The following TMPRSS13 variants were observed in gnomAD, a reference collection of about 807,000 sequenced individuals.
TMPRSS13 encodes transmembrane serine protease 13.
A neutral mutation model predicts 68.4 loss-of-function variants in TMPRSS13; 50 were observed. That is an observed-to-expected ratio of 0.73 (90% confidence interval 0.58 to 0.93). The LOEUF is 0.93. TMPRSS13 is among the 40% of genes least tolerant of loss of function. The pLI, the probability that TMPRSS13 is intolerant of heterozygous loss-of-function variation, is 0.00. For synonymous variants in TMPRSS13, 267 were observed against 285.8 expected (o/e 0.93, Z 0.66); for missense variants, 615 against 729.2 (o/e 0.84, Z 1.80).
At chr11:117,923,101 G>A (rs1591631353) in intron 1 of TMPRSS13, among the ~76,000 whole-genome samples, 2 of 152,334 alleles carry the variant, frequency 1.3e-5, no homozygotes, top group South Asian at 4.1e-4. Flanking sequence ...TCCCTGGACA[G>A]AAGTCTATAA....
intron 1 of TMPRSS13, among the ~76,000 whole-genome samples, chr11:117,929,029 C>T (rs755084999): frequency 2.0e-5 from 3 of 152,208 alleles, no homozygotes; most frequent in African/African-American, 4.8e-5. Flanking sequence ...AGGAAACCCA[C>T]GACTCAGCCA....
At chr11:117,929,223 C>T in intron 1 of TMPRSS13, 64 bp downstream of exon 1, 2 of 1,471,758 alleles carry the variant, frequency 1.4e-6, no homozygotes, top group South Asian at 1.3e-5. Context: ...CACCTGTCTC[C>T]CAGCCTCAGC....
intron 11 of TMPRSS13, 50 bp downstream of exon 11, chr11:117,903,909 C>A (rs781307298): frequency 1.2e-6 from 2 of 1,600,422 alleles, no homozygotes; most frequent in East Asian, 2.3e-5. Flanking sequence ...CCCCTGCCTC[C>A]CCCATCCCCA....
chr11:117,908,944 C>T (rs1224314512), intron 8 of TMPRSS13, among the ~76,000 whole-genome samples, 160 bp from the exon 9 acceptor site: 4 of 152,130 alleles, frequency 2.6e-5, no homozygotes, highest in African/African-American at 9.7e-5. Flanking sequence ...CCCTGGAGTC[C>T]AAAGCAATCC....
chr11:117,918,361 A>G (rs1253465368), intron 2 of TMPRSS13, 48 bp downstream of exon 2: 10 of 1,591,446 alleles, frequency 6.3e-6, no homozygotes, highest in East Asian at 4.5e-5. Context: ...CTCCCTGCCC[A>G]TGGGCTGCTT....
At position 117,908,672 on chromosome 11, in the gene TMPRSS13, C is replaced by T. The variant is rs760074587; in HGVS notation, c.1222G>A (p.Asp408Asn). The stretch of plus-strand genomic sequence containing the variant: ...GCGATGTCATAGTCGTCCTCCTCAT[C>T]GGTGTAATTGCTGTTGATGATGATC... Reference protein sequence around the residue: ...AEIIINSNYTDEEDDYDIALM... With the variant: ...AEIIINSNYTNEEDDYDIALM... Residue 408 changes from aspartate to asparagine, a missense_variant, in exon 9 of 13, where the codon GAT becomes AAT. Asp to Asn is a conservative substitution (Grantham distance 23). Transcript: ENST00000524993. The T allele has an allele frequency of 5.7e-6, 9 of 1,592,452 alleles. No homozygotes were observed. In the South Asian group the frequency reaches 5.8e-5, roughly 10 times the overall value.
chr11:117,923,775 G>T (rs1485322925), intron 1 of TMPRSS13, among the ~76,000 whole-genome samples: 1 of 141,148 alleles, frequency 7.1e-6, no homozygotes, highest in East Asian at 2.2e-4. Flanking sequence ...CACGGCACAT[G>T]TATACATATG....
intron 12 of TMPRSS13, among the ~76,000 whole-genome samples, chr11:117,902,873 A>G (rs750332945): frequency 1.3e-5 from 2 of 152,182 alleles, no homozygotes; most frequent in Admixed American, 6.5e-5. Flanking sequence ...AGTAAGAAAA[A>G]TGGAAGATGA....
Position 117,914,948 on chromosome 11 carries a change from C to G in TMPRSS13, c.557-434G>C, listed in dbSNP as rs1037482625. ...GTCACAGCAGATAAATTTCTGTCCT[C>G]ACAGTCACACAGGCAACCACCGTCT... is the stretch of plus-strand genomic sequence containing the variant. On this transcript the variant is annotated intron_variant, in intron 3 of 12. Coordinates refer to ENST00000524993, the MANE Select transcript of TMPRSS13 (RefSeq NM_001077263.3). This position sits in a 1 kb window ranked among gnomAD's most constrained non-coding sequence, Gnocchi z 4.2. Among the ~76,000 whole-genome samples the G allele has an allele frequency of 2.6e-5, 4 of 152,068 alleles. No individual in the cohort carries two copies. Among genetic ancestry groups the G allele is most frequent in the Non-Finnish European group, 4.4e-5 (3 of 68,004 alleles).
At chr11:117,908,120 A>G in intron 9 of TMPRSS13, 2 of 1,037,430 alleles carry the variant, frequency 1.9e-6, no homozygotes, top group Non-Finnish European at 2.3e-6. Flanking sequence ...TGGGAATCAG[A>G]TCGACCTGGT....
chr11:117,917,116 C>T lies in TMPRSS13; in HGVS notation c.556+54G>A. 2.4e-5 allele frequency: 36 copies of T among 1,471,042 alleles called. No individual in the cohort carries two copies. The South Asian group carries it at 4.2e-4, about 17-fold the overall frequency. 91.1% of individuals were successfully genotyped at this position (1,471,042 alleles called of 1,614,324 possible). A position where few individuals can be genotyped will look rare whatever the true frequency, so the allele number is the denominator to read the frequency against. On this transcript the variant is annotated intron_variant, in intron 3 of 12. Coordinates refer to ENST00000524993, the MANE Select transcript of TMPRSS13 (RefSeq NM_001077263.3). ...CCCTGCCTGCCCCCATCCCTGGGTC[C>T]CACTCTGCCCAGCAGTGCCCAGAAC...
At chr11:117,903,625 G>T (rs776345530) in intron 12 of TMPRSS13, 30 bp downstream of exon 12, 4 of 1,613,876 alleles carry the variant, frequency 2.5e-6, no homozygotes, top group Non-Finnish European at 3.4e-6. Flanking sequence ...CCAGCCTGCT[G>T]GGTGCAGTGT....
intron 8 of TMPRSS13, 126 bp downstream of exon 8, chr11:117,909,680 A>G (rs1327050408): frequency 1.0e-5 from 12 of 1,183,344 alleles, no homozygotes; most frequent in African/African-American, 4.5e-5. Context: ...ACCAGTGCCA[A>G]CTGGCCCATG....
At position 117,922,820 on chromosome 11, in the gene TMPRSS13, C is replaced by T. The variant is rs995401652; in HGVS notation, c.22-3982G>A. 7.2e-5 allele frequency among the ~76,000 whole-genome samples: 11 copies of T among 152,228 alleles called. No individual in the cohort carries two copies. Among genetic ancestry groups the T allele is most frequent in the Non-Finnish European group, 1.5e-4 (10 of 68,032 alleles). The stretch of plus-strand genomic sequence containing the variant: ...TGACCATGCCTCTCCTCCCCACCTA[C>T]CCGTGGGGTAGTCTCTGAGGTTACC... On this transcript the variant is annotated intron_variant, in intron 1 of 12. Transcript: ENST00000524993. The surrounding 1 kb of genome is among the most constrained non-coding windows in gnomAD (Gnocchi z 4.2).
chr11:117,925,376 C>T (rs888851580), intron 1 of TMPRSS13, among the ~76,000 whole-genome samples: 16 of 152,128 alleles, frequency 1.1e-4, no homozygotes, highest in African/African-American at 1.7e-4. Context: ...AGAATCAAGA[C>T]GCCTCCTTGT....
intron 7 of TMPRSS13, 55 bp from the exon 8 acceptor site, chr11:117,910,023 G>A (rs2057506288): frequency 6.9e-6 from 11 of 1,590,110 alleles, no homozygotes; most frequent in East Asian, 2.3e-5. Context: ...GGTTCTTTCC[G>A]AGCTCCTGAT....
chr11:117,906,386 C>T (rs73020500), intron 9 of TMPRSS13, among the ~76,000 whole-genome samples: 6,253 of 152,206 alleles, frequency 0.041, 199 homozygotes, highest in East Asian at 0.13. Flanking sequence ...GGACTGGTGT[C>T]CCTAGGGGGA....
chr11:117,910,739 G>A lies in TMPRSS13; in HGVS notation c.914C>T (p.Pro305Leu). The change falls in exon 7 of 13, where the codon CCT becomes CTT. Residue 305 changes from proline to leucine, a missense_variant. By Grantham distance (98) the Pro-to-Leu change is moderately conservative (BLOSUM62 -3). Transcript: ENST00000524993. ...IQESLHRSEC[P>L]SQRYISLQCS... ...CTGGAGAGAGATATACCGCTGGGAA[G>A]GGCATTCAGACCTGCAGGGGGAGAC... 1.2e-6 allele frequency: 2 copies of A among 1,608,358 alleles called. No individual in the cohort carries two copies. Among genetic ancestry groups the A allele is most frequent in the Non-Finnish European group, 1.7e-6 (2 of 1,176,758 alleles).
At chr11:117,902,393 G>C in intron 12 of TMPRSS13, 128 bp from the exon 13 acceptor site, 2 of 1,007,534 alleles carry the variant, frequency 2.0e-6, no homozygotes, top group Non-Finnish European at 3.1e-6. Flanking sequence ...TCCAAGGAGG[G>C]AGAGCAAAGG....
Sources: gnomAD v4.1 joint callset for allele counts (sites outside exome capture counted in the v4.1 genomes callset) on GRCh38, gnomAD v4.1.1 for gene constraint, Gnocchi (gnomAD v3.1) non-coding constraint, MANE v1.5 for transcripts, NCBI Gene and HGNC (gene_info 2026-07-23, HGNC 2026-07-21) for gene names.